Variants in EML6 observed in about 807,000 individuals in gnomAD.
The protein encoded by EML6 is echinoderm microtubule-associated protein-like 6.
Under a neutral mutation model 240.1 loss-of-function variants are expected in EML6, and 154 were observed. The observed-to-expected ratio is 0.64, with a 90% CI of 0.56 to 0.73. The LOEUF (loss-of-function observed/expected upper bound fraction) is 0.73, where lower values mean the gene tolerates loss of function less well. EML6 is among the 30% of genes least tolerant of loss of function. The probability of loss-of-function intolerance (pLI) is 0.00; values close to 1 mark genes in which losing one functional copy is unlikely to be tolerated. For synonymous variants in EML6, 1,148 were observed against 899.0 expected, an observed-to-expected ratio of 1.28 and a Z score of -4.95; for missense variants, 2,964 against 2,474.6, an observed-to-expected ratio of 1.20 and a Z score of -4.20.
In EML6 at chr2:54,787,865, G is replaced by GTTATTT. The variant is rs538469377; in HGVS notation, c.198-25367_198-25366insTTATTT. 7.4e-3 allele frequency among the ~76,000 whole-genome samples: 1,132 copies of GTTATTT among 152,102 alleles called. 12 individuals are homozygous for GTTATTT. Among genetic ancestry groups the GTTATTT allele is most frequent in the African/African-American group, 0.026 (1,070 of 41,476 alleles). ...ATTGCTCCTTCTGCATCAATTTTTAGGCCAGACCTAAGTTATTTGAAACCC... is the reference window on the plus strand; with the variant it reads ...ATTGCTCCTTCTGCATCAATTTTTAGTTATTTGCCAGACCTAAGTTATTTGAAACCC... On this transcript the variant is annotated intron_variant, in intron 2 of 41. Transcript: ENST00000356458.
At chr2:54,902,697 C>G (rs916182504) in intron 22 of EML6, among the ~76,000 whole-genome samples, 2 of 152,266 alleles carry the variant, frequency 1.3e-5, no homozygotes, top group East Asian at 1.9e-4. Context: ...CTGCACCTAG[C>G]TTATTTCTTT....
At chr2:54,953,902 A>T in intron 31 of EML6, 81 bp from the exon 32 acceptor site, 6 of 1,097,896 alleles carry the variant, frequency 5.5e-6, no homozygotes, top group Admixed American at 2.9e-5. Context: ...AAAAAAAAAA[A>T]GGCTTTTACA....
intron 19 of EML6, 120 bp from the exon 20 acceptor site, chr2:54,894,795 C>T: frequency 1.6e-6 from 1 of 623,358 alleles, no homozygotes; most frequent in Middle Eastern, 2.6e-4. Flanking sequence ...TTTTCCATCT[C>T]ATATATTTAG....
At chr2:54,917,680 G>C (rs755033232) in intron 26 of EML6, among the ~76,000 whole-genome samples, 1 of 152,082 alleles carries the variant, frequency 6.6e-6, no homozygotes, top group Non-Finnish European at 1.5e-5. Context: ...TTTAAATAAA[G>C]TTCTACCTTC....
At chr2:54,899,398 A>G (rs1202516267) in intron 21 of EML6, among the ~76,000 whole-genome samples, 1 of 152,198 alleles carries the variant, frequency 6.6e-6, no homozygotes, top group Non-Finnish European at 1.5e-5. Context: ...ACCAATAAGC[A>G]ATGAGTTCAT....
At chr2:54,804,478 A>G (rs1168906874) in intron 2 of EML6, among the ~76,000 whole-genome samples, 1 of 152,228 alleles carries the variant, frequency 6.6e-6, no homozygotes, top group Non-Finnish European at 1.5e-5. Flanking sequence ...CATGCTGATC[A>G]AATTCTTTTA....
At chr2:54,958,081 C>A in intron 33 of EML6, 83 bp downstream of exon 33, 1 of 1,248,032 alleles carries the variant, frequency 8.0e-7, no homozygotes, top group Non-Finnish European at 1.1e-6. Context: ...GGGAGTTTGG[C>A]CAAGAGGCTG....
intron 17 of EML6, among the ~76,000 whole-genome samples, chr2:54,888,436 T>A (rs1385742707): frequency 6.6e-6 from 1 of 152,262 alleles, no homozygotes; most frequent in East Asian, 1.9e-4. Flanking sequence ...CAGATTGGGC[T>A]GATTCTGCAG....
chr2:54,737,193 G>A (rs774615656), intron 2 of EML6, among the ~76,000 whole-genome samples: 6 of 152,150 alleles, frequency 3.9e-5, no homozygotes, highest in Non-Finnish European at 8.8e-5. Flanking sequence ...GAAGATGTGT[G>A]CTGAAATACT....
At chr2:54,806,487 C>T (rs754385820) in intron 2 of EML6, among the ~76,000 whole-genome samples, 1 of 151,720 alleles carries the variant, frequency 6.6e-6, no homozygotes, top group Non-Finnish European at 1.5e-5. Context: ...GTAGCACGTG[C>T]CTGTAATCCC....
chr2:54,937,916 C>T (rs1195142084), intron 28 of EML6, among the ~76,000 whole-genome samples: 1 of 152,108 alleles, frequency 6.6e-6, no homozygotes, highest in African/African-American at 2.4e-5. Context: ...ACTTGGCTCC[C>T]CTTGGATTTC....
intron 12 of EML6, among the ~76,000 whole-genome samples, chr2:54,861,027 G>C (rs768185483): frequency 6.6e-6 from 1 of 152,204 alleles, no homozygotes; most frequent in Non-Finnish European, 1.5e-5. Flanking sequence ...GAAAAAGGTT[G>C]GGAATGTGCA....
intron 16 of EML6, among the ~76,000 whole-genome samples, chr2:54,875,624 C>T (rs1303967616): frequency 6.6e-6 from 1 of 152,180 alleles, no homozygotes; most frequent in Non-Finnish European, 1.5e-5. Flanking sequence ...TTTTCGAAAG[C>T]AAACAAAAGA....
chr2:54,839,941 G>A (rs556334187), intron 7 of EML6, among the ~76,000 whole-genome samples: 1 of 152,264 alleles, frequency 6.6e-6, no homozygotes, highest in African/African-American at 2.4e-5. Flanking sequence ...TTAATTCCAG[G>A]TTGTGGGTTA....
chr2:54,971,711 T>G lies in EML6; in HGVS notation c.*1616T>G, dbSNP rs1210482769. ...CCATGTGACTGGTGATGCAGAGTGA[T>G]AACCATGTCTGCCTATCTTGTACTA... is the stretch of plus-strand genomic sequence containing the variant. On this transcript the variant is annotated 3_prime_UTR_variant, in exon 42 of 42. Coordinates refer to ENST00000356458, the MANE Select transcript of EML6 (RefSeq NM_001039753.4). 6.6e-6 allele frequency: 1 copy of G among 152,212 alleles called. No homozygotes were observed. The highest frequency in any genetic ancestry group is 2.4e-5 in the African/African-American group (1 of 41,456). 9.4% of individuals were successfully genotyped at this position (152,212 alleles called of 1,614,324 possible).
chr2:54,841,922 G>T (rs1669480459), intron 7 of EML6, among the ~76,000 whole-genome samples: 1 of 151,686 alleles, frequency 6.6e-6, no homozygotes, highest in Non-Finnish European at 1.5e-5. Flanking sequence ...TTATTTTTTA[G>T]GACAGTTTAG....
At chr2:54,919,025 T>G (rs1454214413) in intron 26 of EML6, among the ~76,000 whole-genome samples, 4 of 152,240 alleles carry the variant, frequency 2.6e-5, no homozygotes, top group Non-Finnish European at 4.4e-5. Flanking sequence ...AACCGCTTTG[T>G]GTTTGATGCC....
intron 28 of EML6, among the ~76,000 whole-genome samples, chr2:54,947,706 C>T (rs539347129): frequency 7.9e-5 from 12 of 152,342 alleles, no homozygotes; most frequent in Non-Finnish European, 1.5e-4. Flanking sequence ...CGGGCGCATT[C>T]GTAAAGTCAC....
At chr2:54,968,526 G>A (rs1676849885) in intron 40 of EML6, 142 bp from the exon 41 acceptor site, 1 of 675,970 alleles carries the variant, frequency 1.5e-6, no homozygotes, top group South Asian at 1.9e-5. Context: ...GCCAAAGGCT[G>A]GCTAATAGAT....
Sources: allele counts gnomAD v4.1 joint callset (sites outside exome capture counted in the v4.1 genomes callset), GRCh38; gene constraint gnomAD v4.1.1; transcripts MANE v1.5; gene names NCBI Gene and HGNC (gene_info 2026-07-23, HGNC 2026-07-21).